TENM2: variants seen among roughly 807,000 people sequenced by gnomAD.
TENM2 encodes the protein teneurin-2.
A neutral mutation model predicts 245.2 loss-of-function variants in TENM2; 52 were observed. That is an observed-to-expected ratio of 0.21 (90% CI 0.17 to 0.27). The LOEUF is 0.27. Ranked by LOEUF, TENM2 falls within the 10% of genes least tolerant of loss-of-function variation. The pLI is 1.00. For missense variants in TENM2, 3,046 were observed against 3,666.8 expected (o/e 0.83, Z 4.37); for synonymous variants, 1,363 against 1,438.9 (o/e 0.95, Z 1.19).
chr5:167,078,804 C>T, the TENM2 span, among the ~76,000 whole-genome samples: 1 of 152,106 alleles, frequency 6.6e-6, no homozygotes, highest in African/African-American at 2.4e-5. Context: ...CTATTGATTT[C>T]TTAACATTGC....
At chr5:167,388,137 T>C (rs1761552072) in intron 2 of TENM2, among the ~76,000 whole-genome samples, 1 of 152,136 alleles carries the variant, frequency 6.6e-6, no homozygotes, top group South Asian at 2.1e-4. Context: ...TGTGAATCTG[T>C]CTGGTCCTGG....
intron 4 of TENM2, among the ~76,000 whole-genome samples, chr5:167,974,065 G>A (rs1411949867): frequency 1.4e-4 from 2 of 13,900 alleles, no homozygotes; most frequent in African/African-American, 3.6e-4. Context: ...AAAGGAGGGA[G>A]GGAGGGAGGA....
the TENM2 span, among the ~76,000 whole-genome samples, chr5:167,097,105 C>T: frequency 0.51 from 78,139 of 151,872 alleles, 20,381 homozygotes; most frequent in Middle Eastern, 0.57. Context: ...TTTCCCCGCC[C>T]GAGAGAGTCA....
At chr5:167,432,877 T>C (rs1764330553) in intron 2 of TENM2, among the ~76,000 whole-genome samples, 1 of 152,176 alleles carries the variant, frequency 6.6e-6, no homozygotes, top group Admixed American at 6.5e-5. Flanking sequence ...CCCTGAAATT[T>C]AGACGTTCAT....
At chr5:167,437,214 A>T (rs2127453528) in intron 2 of TENM2, among the ~76,000 whole-genome samples, 1 of 152,280 alleles carries the variant, frequency 6.6e-6, no homozygotes, top group East Asian at 1.9e-4. Context: ...AGACCATGGG[A>T]ACCCACCTCT....
At chr5:167,122,035 A>T in the TENM2 span, among the ~76,000 whole-genome samples, 2 of 152,224 alleles carry the variant, frequency 1.3e-5, no homozygotes, top group Admixed American at 1.3e-4. Context: ...TTTTTTCCAG[A>T]TGGATAAAAT....
chr5:167,913,018 T>A (rs926506358), intron 3 of TENM2, among the ~76,000 whole-genome samples: 1 of 152,120 alleles, frequency 6.6e-6, no homozygotes, highest in Non-Finnish European at 1.5e-5. Flanking sequence ...GGGCTATCTC[T>A]TAAAAGGCCT....
chr5:167,676,640 G>T (rs1435752256), intron 2 of TENM2, among the ~76,000 whole-genome samples: 1 of 152,126 alleles, frequency 6.6e-6, no homozygotes, highest in South Asian at 2.1e-4. Context: ...TGGAGAAAGA[G>T]TGTGTGTGTC....
At chr5:167,725,119 A>G (rs1471085388) in intron 2 of TENM2, among the ~76,000 whole-genome samples, 1 of 152,236 alleles carries the variant, frequency 6.6e-6, no homozygotes, top group East Asian at 1.9e-4. Context: ...GTCACCAATC[A>G]TGATTTTAAT....
At chr5:167,236,881 C>CTTT in the TENM2 span, among the ~76,000 whole-genome samples, 4 of 141,394 alleles carry the variant, frequency 2.8e-5, no homozygotes, top group South Asian at 2.3e-4. Flanking sequence ...ACTTCTATAC[C>CTTT]TTTTTTTTTT....
chr5:168,160,871 A>G (rs1246833255), intron 12 of TENM2, among the ~76,000 whole-genome samples: 1 of 152,088 alleles, frequency 6.6e-6, no homozygotes, highest in African/African-American at 2.4e-5. Flanking sequence ...ACTAAAAATT[A>G]AAAAGAAAAA....
At chr5:168,221,077 A>C in intron 23 of TENM2, among the ~76,000 whole-genome samples, 1 of 151,402 alleles carries the variant, frequency 6.6e-6, no homozygotes, top group East Asian at 1.9e-4. Flanking sequence ...ACGCAGCTGT[A>C]CTCCAGCCTG....
intron 2 of TENM2, among the ~76,000 whole-genome samples, chr5:167,570,717 A>T (rs1774213229): frequency 1.3e-5 from 2 of 152,336 alleles, no homozygotes. Flanking sequence ...CCTAAAGAAG[A>T]GCTGCATTGA....
the TENM2 span, among the ~76,000 whole-genome samples, chr5:167,019,459 T>C: frequency 4.3e-4 from 66 of 151,748 alleles, no homozygotes; most frequent in African/African-American, 1.6e-3. Context: ...TTTTTTGTTG[T>C]TGTTTTTGTT....
At chr5:167,110,216 A>T in the TENM2 span, among the ~76,000 whole-genome samples, 1 of 152,194 alleles carries the variant, frequency 6.6e-6, no homozygotes, top group African/African-American at 2.4e-5. Context: ...ATCTCAAACA[A>T]TTTAAGTTTT....
At chr5:168,167,925 G>A (rs1202083530) in intron 13 of TENM2, among the ~76,000 whole-genome samples, 1 of 152,172 alleles carries the variant, frequency 6.6e-6, no homozygotes, top group Non-Finnish European at 1.5e-5. Flanking sequence ...GCCCTCACAC[G>A]TTGGCTGCTG....
rs1769641967 is a variant in TENM2, at chr5:167,507,619, A to G, written c.502+132146A>G. 2.0e-5 allele frequency among the ~76,000 whole-genome samples: 3 copies of G among 152,168 alleles called. No homozygotes were observed. In the South Asian group the frequency reaches 6.2e-4, roughly 31 times the overall value. The stretch of plus-strand genomic sequence containing the variant: ...TCATGCAAATGGTGGCACTAGTGTC[A>G]TGAGTAATAATGGCTTCCCCCTTCA... On this transcript the variant is annotated intron_variant, in intron 2 of 28. Transcript: ENST00000518659.
At chr5:167,751,741 C>T (rs1164788528) in intron 2 of TENM2, among the ~76,000 whole-genome samples, 1 of 151,842 alleles carries the variant, frequency 6.6e-6, no homozygotes, top group Non-Finnish European at 1.5e-5. Flanking sequence ...TTTTTTTAAG[C>T]TTCACATACA....
chr5:167,298,583 G>A (rs773208231), intron 1 of TENM2, among the ~76,000 whole-genome samples: 17 of 152,128 alleles, frequency 1.1e-4, no homozygotes, highest in Non-Finnish European at 2.1e-4. Flanking sequence ...CAGCCTGGGC[G>A]ACAGCGAGAC....
Sources: gnomAD v4.1 joint callset for allele counts (sites outside exome capture counted in the v4.1 genomes callset) on GRCh38, gnomAD v4.1.1 for gene constraint, MANE v1.5 for transcripts, NCBI Gene and HGNC (gene_info 2026-07-23, HGNC 2026-07-21) for gene names.